Variants in FIBCD1 observed in about 807,000 individuals in gnomAD.
FIBCD1 encodes fibrinogen C domain containing 1, also known as fibrinogen C domain-containing protein 1.
FIBCD1 carries 47 observed loss-of-function variants against 45.1 expected under a neutral mutation model. The ratio of observed to expected loss-of-function variants is 1.04; its 90% confidence interval spans 0.82 to 1.33. The LOEUF (loss-of-function observed/expected upper bound fraction) is 1.33, where lower values mean the gene tolerates loss of function less well. Ranked by LOEUF, FIBCD1 falls within the 40% of genes most tolerant of loss-of-function variation. FIBCD1 has a pLI of 0.00. For synonymous variants in FIBCD1, 313 were observed against 308.1 expected, an observed-to-expected ratio of 1.02 and a Z score of -0.17; for missense variants, 653 against 682.2, an observed-to-expected ratio of 0.96 and a Z score of 0.48.
intron 5 of FIBCD1, among the ~76,000 whole-genome samples, chr9:130,909,396 C>G (rs1488414046): frequency 6.6e-6 from 1 of 152,228 alleles, no homozygotes; most frequent in Non-Finnish European, 1.5e-5. Context: ...GGCACACATT[C>G]CCCAGCACCT....
intron 5 of FIBCD1, among the ~76,000 whole-genome samples, chr9:130,906,170 C>T (rs771187970): frequency 1.1e-4 from 17 of 152,172 alleles, no homozygotes; most frequent in African/African-American, 1.4e-4. Flanking sequence ...CTGCTGTCCC[C>T]GCCCCACCTC....
At chr9:130,930,766 G>A (rs747415094) in intron 1 of FIBCD1, 2 of 456,028 alleles carry the variant, frequency 4.4e-6, no homozygotes, top group Admixed American at 4.7e-5. Context: ...TGGGCCAGGG[G>A]CCTCACCTCT....
intron 1 of FIBCD1, among the ~76,000 whole-genome samples, chr9:130,932,864 G>A (rs1277273941): frequency 1.3e-5 from 2 of 152,228 alleles, no homozygotes; most frequent in East Asian, 1.9e-4. Flanking sequence ...CCAAGTCCCT[G>A]TCATGCACTC....
intron 4 of FIBCD1, among the ~76,000 whole-genome samples, chr9:130,917,623 A>T (rs1267058983): frequency 6.6e-6 from 1 of 152,170 alleles, no homozygotes; most frequent in Non-Finnish European, 1.5e-5. Context: ...CTGCAGACAG[A>T]CCCTGACCAA....
At chr9:130,908,686 G>A (rs984990278) in intron 5 of FIBCD1, among the ~76,000 whole-genome samples, 3 of 152,220 alleles carry the variant, frequency 2.0e-5, no homozygotes, top group Non-Finnish European at 4.4e-5. Flanking sequence ...TGGGTGTGAG[G>A]CTTTGGGGAC....
chr9:130,932,043 G>A (rs764920807), intron 1 of FIBCD1, among the ~76,000 whole-genome samples: 2 of 152,246 alleles, frequency 1.3e-5, no homozygotes, highest in African/African-American at 2.4e-5. Flanking sequence ...TCTGTGTGTC[G>A]TCAATGCTGG....
Position 130,929,686 on chromosome 9 carries a change from G to C in FIBCD1, c.433C>G (p.Pro145Ala). 6.2e-7 allele frequency: 1 copy of C among 1,603,600 alleles called. No homozygotes were observed. Among genetic ancestry groups the C allele is most frequent in the Non-Finnish European group, 8.5e-7 (1 of 1,175,886 alleles). The change falls in exon 2 of 7, where the codon CCC (proline) becomes GCC (alanine). Residue 145 changes from proline to alanine, a missense_variant. Pro to Ala is a conservative substitution (Grantham distance 27, BLOSUM62 -1). Transcript: ENST00000372338. The stretch of plus-strand genomic sequence containing the variant: ...TCTGAGGCTCGGGCCAGCAGCCGGG[G>C]CAGCTGGTCGGCCAGCGTGTCCAGC... Reference protein sequence around the residue: ...ELLDTLADQLPRLLARASELQ... With the variant: ...ELLDTLADQLARLLARASELQ...
chr9:130,904,803 G>A (rs1346856332), intron 6 of FIBCD1, among the ~76,000 whole-genome samples: 2 of 152,248 alleles, frequency 1.3e-5, no homozygotes, highest in Non-Finnish European at 2.9e-5. Flanking sequence ...TGAGGACCAA[G>A]CAGGACTTGG....
At chr9:130,914,172 AG>A (rs1475424573) in intron 4 of FIBCD1, among the ~76,000 whole-genome samples, 1 of 151,756 alleles carries the variant, frequency 6.6e-6, no homozygotes, top group African/African-American at 2.4e-5. Context: ...GGCCTGGGCG[AG>A]GGCTCCTGCC....
At chr9:130,910,362 G>A (rs540354261) in intron 5 of FIBCD1, among the ~76,000 whole-genome samples, 1 of 152,328 alleles carries the variant, frequency 6.6e-6, no homozygotes, top group Non-Finnish European at 1.5e-5. Flanking sequence ...CTTCCCGCGG[G>A]CCAGGGCTCG....
At position 130,903,884 on chromosome 9, in the gene FIBCD1, G is replaced by A. The variant is rs77624859; in HGVS notation, c.*180C>T. The A allele has an allele frequency of 1.4e-3, 1,106 of 775,762 alleles. 6 individuals carry two copies. Among genetic ancestry groups the A allele is most frequent in the East Asian group, 0.012 (431 of 37,052 alleles). The allele number at this position is 775,762 out of a possible 1,614,324, so 48.1% of individuals were successfully genotyped here. ...GCCAAATGGAGGGGGTGGGGACGGC[G>A]AGAAGGCGATGTGTGACTTCACCGG... is the stretch of plus-strand genomic sequence containing the variant. On this transcript the variant is annotated 3_prime_UTR_variant, in exon 7 of 7. Coordinates refer to ENST00000372338, the MANE Select transcript of FIBCD1 (RefSeq NM_032843.5).
rs1165608228 is a variant in FIBCD1, at chr9:130,926,578, G to C, written c.553-2182C>G. ...CTCACGCCTGTAATCCCAGCACTTT[G>C]GGAGGCCAAGTTGGGTGGATCACCT... is the stretch of plus-strand genomic sequence containing the variant. On this transcript the variant is annotated intron_variant, in intron 2 of 6. Transcript: ENST00000372338. The surrounding 1 kb of genome is among the most constrained non-coding windows in gnomAD (Gnocchi z 4.1). Among the ~76,000 whole-genome samples, 1 of 152,124 alleles carries C rather than the reference G, an allele frequency of 6.6e-6. No homozygotes were observed. The highest frequency in any genetic ancestry group is 1.9e-4 in the East Asian group (1 of 5,204).
intron 2 of FIBCD1, among the ~76,000 whole-genome samples, chr9:130,928,930 C>G (rs899834301): frequency 6.6e-6 from 1 of 152,198 alleles, no homozygotes; most frequent in Non-Finnish European, 1.5e-5. Context: ...GGTGGTGCTT[C>G]CAGCATGGTC....
chr9:130,924,183 T>A, intron 3 of FIBCD1, 54 bp downstream of exon 3: 2 of 1,494,428 alleles, frequency 1.3e-6, no homozygotes, highest in Non-Finnish European at 1.8e-6. Context: ...ACTTCCCCGC[T>A]CCCCAGAGCT....
chr9:130,905,573 G>C (rs1287008059), intron 5 of FIBCD1, among the ~76,000 whole-genome samples, 160 bp from the exon 6 acceptor site: 2 of 152,232 alleles, frequency 1.3e-5, no homozygotes, highest in African/African-American at 2.4e-5. Flanking sequence ...TCTTCCTGCA[G>C]GCCTGTGTTG....
intron 6 of FIBCD1, among the ~76,000 whole-genome samples, chr9:130,904,615 C>A (rs1831894751): frequency 6.6e-6 from 1 of 152,040 alleles, no homozygotes. Context: ...ATTCCCTCTC[C>A]TGCCTCCCCG....
chr9:130,911,899 A>G lies in FIBCD1; in HGVS notation c.850-11T>C, dbSNP rs778299636. 1.3e-6 allele frequency: 2 copies of G among 1,564,362 alleles called. No individual in the cohort carries two copies. Among genetic ancestry groups the G allele is most frequent in the Non-Finnish European group, 1.7e-6 (2 of 1,155,784 alleles). On this transcript the variant is annotated splice_polypyrimidine_tract_variant and intron_variant, in intron 4 of 6. Coordinates refer to ENST00000372338, the MANE Select transcript of FIBCD1 (RefSeq NM_032843.5). ...CCGGCGCTGAAACACCTGCAAAGGG[A>G]AGATGGGGATGGGGCGTTGGCACCG...
chr9:130,923,344 C>T (rs772807947), intron 4 of FIBCD1, among the ~76,000 whole-genome samples: 50 of 152,172 alleles, frequency 3.3e-4, no homozygotes, highest in Non-Finnish European at 5.6e-4. Context: ...CTTCTGCACA[C>T]GCGCCGTGTA....
chr9:130,939,880 G>C (rs1401644727), upstream of FIBCD1, among the ~76,000 whole-genome samples: 4 of 151,866 alleles, frequency 2.6e-5, no homozygotes, highest in African/African-American at 7.3e-5. Flanking sequence ...GCTTCTGACC[G>C]GGAGGCGCCC....
Sources: gnomAD v4.1 joint callset for allele counts (sites outside exome capture counted in the v4.1 genomes callset) on GRCh38, gnomAD v4.1.1 for gene constraint, Gnocchi (gnomAD v3.1) non-coding constraint, MANE v1.5 for transcripts, NCBI Gene and HGNC (gene_info 2026-07-23, HGNC 2026-07-21) for gene names.